The following CNTN4 variants were observed in gnomAD, a reference collection of about 807,000 sequenced individuals.
The protein encoded by CNTN4 is contactin-4.
Under a neutral mutation model 122.5 loss-of-function variants are expected in CNTN4, and 77 were observed. That is an observed-to-expected ratio of 0.63 (90% confidence interval 0.52 to 0.76). The LOEUF (loss-of-function observed/expected upper bound fraction) is 0.76. Ranked by LOEUF, CNTN4 falls within the 30% of genes least tolerant of loss-of-function variation. The pLI, the probability that CNTN4 is intolerant of heterozygous loss-of-function variation, is 0.00. For synonymous variants in CNTN4, 512 were observed against 447.0 expected (o/e 1.15, Z -1.83); for missense variants, 1,256 against 1,259.1 (o/e 1.00, Z 0.04).
chr3:2,671,014 C>T (rs2084480879), intron 4 of CNTN4, among the ~76,000 whole-genome samples: 1 of 152,202 alleles, frequency 6.6e-6, no homozygotes, highest in Non-Finnish European at 1.5e-5. Context: ...TTCTCTCTGT[C>T]TGCCCTTAAC....
intron 3 of CNTN4, among the ~76,000 whole-genome samples, chr3:2,405,686 G>A (rs925424517): frequency 6.6e-6 from 1 of 152,058 alleles, no homozygotes; most frequent in Non-Finnish European, 1.5e-5. Context: ...ATTAATAAAT[G>A]AATTATAGAA....
intron 6 of CNTN4, among the ~76,000 whole-genome samples, chr3:2,790,380 C>T (rs1203344400): frequency 6.6e-6 from 1 of 152,200 alleles, no homozygotes; most frequent in Non-Finnish European, 1.5e-5. Flanking sequence ...AGGTAAATGA[C>T]CCAGCCATCT....
chr3:2,358,521 C>CT (rs2150517176), intron 3 of CNTN4, among the ~76,000 whole-genome samples: 1 of 151,826 alleles, frequency 6.6e-6, no homozygotes, highest in South Asian at 2.1e-4. Context: ...GTAATCAAAA[C>CT]TGAACGATTA....
intron 4 of CNTN4, among the ~76,000 whole-genome samples, chr3:2,648,705 A>G (rs1216750085): frequency 1.3e-5 from 2 of 152,158 alleles, no homozygotes; most frequent in South Asian, 4.1e-4. Context: ...TAAGTGTTCA[A>G]ATGAGAGGAA....
intron 3 of CNTN4, among the ~76,000 whole-genome samples, chr3:2,439,250 G>T (rs2048353028): frequency 6.6e-6 from 1 of 152,182 alleles, no homozygotes; most frequent in Non-Finnish European, 1.5e-5. Flanking sequence ...AAGAAATGCA[G>T]ATCCCTAGGC....
At chr3:2,217,250 C>T (rs978466819) in intron 2 of CNTN4, among the ~76,000 whole-genome samples, 1 of 152,110 alleles carries the variant, frequency 6.6e-6, no homozygotes, top group Non-Finnish European at 1.5e-5. Flanking sequence ...GTCTCTATTT[C>T]TAGAAGGTTG....
chr3:2,630,937 C>T (rs982305986), intron 4 of CNTN4, among the ~76,000 whole-genome samples: 1 of 152,142 alleles, frequency 6.6e-6, no homozygotes, highest in African/African-American at 2.4e-5. Flanking sequence ...TTGCTTGCAT[C>T]TTACCAAACC....
intron 3 of CNTN4, among the ~76,000 whole-genome samples, chr3:2,480,179 A>C (rs2075950761): frequency 1.3e-5 from 2 of 152,168 alleles, no homozygotes; most frequent in Non-Finnish European, 2.9e-5. Flanking sequence ...AATGGTGAGA[A>C]TCTCAAAGTT....
At chr3:2,421,869 CAG>C (rs776850487) in intron 3 of CNTN4, among the ~76,000 whole-genome samples, 14 of 152,052 alleles carry the variant, frequency 9.2e-5, no homozygotes, top group Non-Finnish European at 1.0e-4. Context: ...ACTTTAGTCA[CAG>C]AGAGATTAAA....
intron 2 of CNTN4, among the ~76,000 whole-genome samples, chr3:2,303,566 C>T (rs2042600369): frequency 6.6e-6 from 1 of 152,110 alleles, no homozygotes; most frequent in Non-Finnish European, 1.5e-5. Flanking sequence ...TATGGATATA[C>T]CACATTTTAT....
At chr3:2,971,937 AG>A (rs1359267935) in intron 13 of CNTN4, among the ~76,000 whole-genome samples, 2 of 152,228 alleles carry the variant, frequency 1.3e-5, no homozygotes, top group Non-Finnish European at 2.9e-5. Context: ...ATAGGTATTA[AG>A]AAATAAACCT....
chr3:2,670,232 C>T (rs1173417061), intron 4 of CNTN4, among the ~76,000 whole-genome samples: 14 of 151,900 alleles, frequency 9.2e-5, no homozygotes, highest in African/African-American at 3.1e-4. Context: ...AGTCTAAGTC[C>T]CTTTGTAGGT....
At chr3:2,316,779 G>T (rs183333701) in intron 2 of CNTN4, among the ~76,000 whole-genome samples, 2 of 152,298 alleles carry the variant, frequency 1.3e-5, no homozygotes, top group East Asian at 3.9e-4. Flanking sequence ...AAGACGCCGA[G>T]CTCTGTGGTT....
At chr3:2,725,031 C>T (rs1012051004) in intron 4 of CNTN4, among the ~76,000 whole-genome samples, 1 of 152,180 alleles carries the variant, frequency 6.6e-6, no homozygotes, top group Non-Finnish European at 1.5e-5. Context: ...CAAAGCAGAT[C>T]TTCTAGATCA....
rs145811659 is a variant in CNTN4 at position 2,311,760 on chromosome 3, C to G, written c.-144-27418C>G. Among the ~76,000 whole-genome samples, 395 of 152,182 alleles carry G rather than the reference C, an allele frequency of 2.6e-3. 10 individuals carry two copies. Among genetic ancestry groups the G allele is most frequent in the Admixed American group, 0.02 (298 of 15,262 alleles). On this transcript the variant is annotated intron_variant, in intron 2 of 24. Coordinates refer to ENST00000418658, the MANE Select transcript of CNTN4 (RefSeq NM_175607.3). The stretch of plus-strand genomic sequence containing the variant: ...ATGCACATTTATAATACTTTGTAAA[C>G]TGTATGATTAGATCATTATTTAGAA...
In CNTN4 at chr3:2,805,029, T is replaced by G. The variant is rs1559522203; in HGVS notation, c.359-14457T>G. On this transcript the variant is annotated intron_variant, in intron 6 of 24. Coordinates refer to ENST00000418658, the MANE Select transcript of CNTN4 (RefSeq NM_175607.3). ...ATCTCTACTAAAAATACAAAAAAAT[T>G]TGCCGGGCATGGTGGCAGGAGCTTG... Among the ~76,000 whole-genome samples the G allele has an allele frequency of 2.6e-5, 4 of 152,086 alleles. No homozygotes were observed. In the South Asian group the frequency reaches 8.3e-4, roughly 32 times the overall value.
At chr3:2,601,525 A>G (rs1015204161) in intron 4 of CNTN4, among the ~76,000 whole-genome samples, 1 of 151,970 alleles carries the variant, frequency 6.6e-6, no homozygotes, top group Non-Finnish European at 1.5e-5. Flanking sequence ...GTGTGGTATT[A>G]TTTCTGAGGG....
intron 4 of CNTN4, among the ~76,000 whole-genome samples, chr3:2,707,403 A>G (rs898126178): frequency 3.9e-5 from 6 of 152,146 alleles, no homozygotes; most frequent in African/African-American, 9.7e-5. Flanking sequence ...TTTAAATTCA[A>G]AAATCTTTTA....
chr3:2,118,478 T>A (rs2033519608), intron 2 of CNTN4, among the ~76,000 whole-genome samples: 1 of 152,226 alleles, frequency 6.6e-6, no homozygotes, highest in African/African-American at 2.4e-5. Context: ...TAAGAACCAT[T>A]TTAAAATGGG....
Sources: gnomAD v4.1 joint callset for allele counts (sites outside exome capture counted in the v4.1 genomes callset) on GRCh38, gnomAD v4.1.1 for gene constraint, MANE v1.5 for transcripts, NCBI Gene and HGNC (gene_info 2026-07-23, HGNC 2026-07-21) for gene names.